Variants in CRAT observed in about 807,000 individuals in gnomAD.
CRAT encodes the protein carnitine acetylase.
Under a neutral mutation model 73.7 loss-of-function variants are expected in CRAT, and 66 were observed. That is an observed-to-expected ratio of 0.90 (90% CI 0.73 to 1.10). CRAT has a LOEUF of 1.10. Among genes scored for constraint, CRAT ranks in the 50% least tolerant of loss-of-function variants. The pLI is 0.00. For synonymous variants in CRAT, 321 were observed against 343.2 expected (o/e 0.94, Z 0.71); for missense variants, 745 against 846.9 (o/e 0.88, Z 1.49).
intron 5 of CRAT, 84 bp from the exon 6 acceptor site, chr9:129,102,141 C>T: frequency 6.8e-7 from 1 of 1,473,496 alleles, no homozygotes; most frequent in Non-Finnish European, 9.2e-7. Context: ...CCTGCCTCCT[C>T]CTGGCCTTGG....
chr9:129,104,903 C>CTTT (rs36193924), intron 2 of CRAT, among the ~76,000 whole-genome samples: 2 of 103,478 alleles, frequency 1.9e-5, no homozygotes, highest in Non-Finnish European at 3.8e-5. Flanking sequence ...TGTGCCCGGT[C>CTTT]TTTTTTTTTT....
chr9:129,105,985 C>T (rs112029662), intron 2 of CRAT, among the ~76,000 whole-genome samples: 59 of 152,290 alleles, frequency 3.9e-4, no homozygotes, highest in African/African-American at 1.4e-3. Flanking sequence ...TTCCTGCACA[C>T]AGCCAGTACA....
rs1847185738 is a variant in CRAT at position 129,094,997 on chromosome 9, A to G, written c.*400T>C. On this transcript the variant is annotated 3_prime_UTR_variant, in exon 14 of 14. Coordinates refer to ENST00000318080, the MANE Select transcript of CRAT (RefSeq NM_000755.5). ...GTCTCCAGGTCCTGGGAGTTTGGGA[A>G]GCAGGGTACAGATGGTGGCCTGGTC... 3 of 215,418 alleles carry G rather than the reference A, an allele frequency of 1.4e-5. No homozygotes were observed. The highest frequency in any genetic ancestry group is 2.8e-5 in the Non-Finnish European group (3 of 107,190). 13.3% of individuals were successfully genotyped at this position (215,418 alleles called of 1,614,324 possible).
intron 13 of CRAT, among the ~76,000 whole-genome samples, 191 bp from the exon 14 acceptor site, chr9:129,095,803 A>G: frequency 6.6e-6 from 1 of 152,248 alleles, no homozygotes; most frequent in East Asian, 1.9e-4. Flanking sequence ...CCAGTGAGTC[A>G]GCGAAGCTGA....
At chr9:129,099,037 C>T (rs556329638) in intron 8 of CRAT, among the ~76,000 whole-genome samples, 5 of 151,646 alleles carry the variant, frequency 3.3e-5, no homozygotes, top group East Asian at 2.0e-4. Flanking sequence ...AGCAATGGAA[C>T]GATCTCGGCT....
In CRAT at chr9:129,107,633, G is replaced by A. The variant is rs1422353279; in HGVS notation, c.291+181C>T. The A allele has an allele frequency of 2.5e-6, 2 of 816,156 alleles. No homozygotes were observed. Among genetic ancestry groups the A allele is most frequent in the East Asian group, 2.7e-5 (1 of 37,624 alleles). 50.6% of individuals were successfully genotyped at this position (816,156 alleles called of 1,614,324 possible). ...TTCTCTCCTCCCTACTTGAATGTTA[G>A]CTCCAAGGAGCTGGTGACTGTGTCC... is the stretch of plus-strand genomic sequence containing the variant. On this transcript the variant is annotated intron_variant, in intron 2 of 13. Coordinates refer to ENST00000318080, the MANE Select transcript of CRAT (RefSeq NM_000755.5). The surrounding 1 kb of genome is among the most constrained non-coding windows in gnomAD (Gnocchi z 5.0).
chr9:129,098,418 T>G, intron 9 of CRAT, 47 bp from the exon 10 acceptor site: 1 of 1,607,954 alleles, frequency 6.2e-7, no homozygotes, highest in Admixed American at 1.7e-5. Flanking sequence ...CGGCAGCCCC[T>G]GCCAACCCCA....
intron 7 of CRAT, 117 bp from the exon 8 acceptor site, chr9:129,100,083 G>T: frequency 1.4e-6 from 1 of 714,820 alleles, no homozygotes; most frequent in Non-Finnish European, 2.4e-6. Context: ...GGGCTATGAT[G>T]ACTTATTACT....
Position 129,100,589 on chromosome 9 carries a change from G to A in CRAT, c.906C>T (p.Ser302=). The A allele has an allele frequency of 6.2e-7, 1 of 1,614,028 alleles. No individual in the cohort carries two copies. Among genetic ancestry groups the A allele is most frequent in the Non-Finnish European group, 8.5e-7 (1 of 1,180,002 alleles). ...MPRVSEDVYR[S]HVAGQMLHGG... is the part of the protein sequence containing the mutation. The stretch of plus-strand genomic sequence containing the variant: ...CATGCAGCATCTGGCCTGCCACGTG[G>A]CTGCGGTACACGTCTTCTGAGACCC... The change falls in exon 7 of 14, where the codon AGC becomes AGT. Residue 302 remains serine, a synonymous_variant. Coordinates refer to ENST00000318080, the MANE Select transcript of CRAT (RefSeq NM_000755.5).
In CRAT at chr9:129,104,278, T is replaced by C. The variant is rs1588456212; in HGVS notation, c.320A>G (p.Tyr107Cys). 1 of 1,612,824 alleles carries C rather than the reference T, an allele frequency of 6.2e-7. No individual in the cohort carries two copies. The highest frequency in any genetic ancestry group is 8.5e-7 in the Non-Finnish European group (1 of 1,179,646). ...GACCACAGGCTGGCGGTACTGGAGG[T>C]AGGCGGTCTTGAGCCACCACTCAGA... ...WLSEWWLKTA[Y>C]LQYRQPVVIY... The change falls in exon 3 of 14, where the codon TAC becomes TGC. Residue 107 changes from tyrosine (Y) to cysteine (C), a missense_variant. Coordinates refer to ENST00000318080, the MANE Select transcript of CRAT (RefSeq NM_000755.5).
chr9:129,109,714 G>T (rs978451460), intron 1 of CRAT, among the ~76,000 whole-genome samples: 48 of 152,172 alleles, frequency 3.2e-4, no homozygotes, highest in African/African-American at 1.2e-3. Context: ...GCCTGAGCCT[G>T]GATGCACCCT....
At position 129,108,022 on chromosome 9, in the gene CRAT, A is replaced by C. The variant is rs1393087395; in HGVS notation, c.83T>G (p.Phe28Cys). The C allele has an allele frequency of 2.6e-6, 4 of 1,554,158 alleles. No individual in the cohort carries two copies. Among genetic ancestry groups the C allele is most frequent in the Non-Finnish European group, 3.5e-6 (4 of 1,153,090 alleles). The change falls in exon 2 of 14, where the codon TTC (phenylalanine) becomes TGC (cysteine). Residue 28 changes from phenylalanine (F) to cysteine (C), a missense_variant. By Grantham distance (205) the Phe-to-Cys change is radical (BLOSUM62 -2). Coordinates refer to ENST00000318080, the MANE Select transcript of CRAT (RefSeq NM_000755.5). ...TGGCAGTGCATCCTGGTGTGCCTTG[A>C]AGCGGCTGGAAGCCTTCATCAAGGA... ...PFSLMKASSR[F>C]KAHQDALPRL...
At chr9:129,104,004 G>A (rs1847842451) in intron 3 of CRAT, among the ~76,000 whole-genome samples, 184 bp downstream of exon 3, 1 of 152,126 alleles carries the variant, frequency 6.6e-6, no homozygotes, top group South Asian at 2.1e-4. Flanking sequence ...TGGGGTCTTG[G>A]GCAGCTCCCT....
rs1424667302 is a variant in CRAT at position 129,099,746 on chromosome 9, GA to G, written c.1085+119del. On this transcript the variant is annotated intron_variant, in intron 8 of 13. Transcript: ENST00000318080. Reference sequence around the variant, plus strand: ...CCACCATATCTGGCTGGCTTCCTTGGAAAAAAACAGATTCCCAGGCACAAAG... The same window carrying G: ...CCACCATATCTGGCTGGCTTCCTTGGAAAAAACAGATTCCCAGGCACAAAG... 58 of 800,286 alleles carry G rather than the reference GA, an allele frequency of 7.2e-5. 1 individual carries two copies. The East Asian group carries it at 1.3e-3, about 18-fold the overall frequency. 49.6% of individuals were successfully genotyped at this position (800,286 alleles called of 1,614,324 possible). A position where few individuals can be genotyped will look rare whatever the true frequency, so the allele number is the denominator to read the frequency against.
chr9:129,098,192 C>T, intron 10 of CRAT, 44 bp from the exon 11 acceptor site: 1 of 1,612,584 alleles, frequency 6.2e-7, no homozygotes, highest in Non-Finnish European at 8.5e-7. Flanking sequence ...AGGCGGGCAC[C>T]CCCTCCCCTG....
chr9:129,110,467 G>T lies in CRAT; in HGVS notation c.27+16C>A. 1 of 1,578,968 alleles carries T rather than the reference G, an allele frequency of 6.3e-7. No homozygotes were observed. Among genetic ancestry groups the T allele is most frequent in the East Asian group, 2.4e-5 (1 of 41,642 alleles). On this transcript the variant is annotated intron_variant, in intron 1 of 13. Coordinates refer to ENST00000318080, the MANE Select transcript of CRAT (RefSeq NM_000755.5). This position sits in a 1 kb window ranked among gnomAD's most constrained non-coding sequence, Gnocchi z 5.3. ...GGCCGTCCAGGGCCCTCAGGCCCGG[G>T]ATCCGCCGCACTCACCACGGTCCTG... is the stretch of plus-strand genomic sequence containing the variant.
In CRAT at chr9:129,098,545, C is replaced by T. The variant is rs1249322242; in HGVS notation, c.1191G>A (p.Lys397=). Residue 397 remains lysine (K), a synonymous_variant, in exon 9 of 14, where the codon AAG becomes AAA. Coordinates refer to ENST00000318080, the MANE Select transcript of CRAT (RefSeq NM_000755.5). Reference sequence around the variant, plus strand: ...CAGGCACTTACATGCTGAGGTTCTGCTTGGCCTTCTCGATGTCGCTCTTGA... The same window carrying T: ...CAGGCACTTACATGCTGAGGTTCTGTTTGGCCTTCTCGATGTCGCTCTTGA... ...PEIKSDIEKA[K]QNLSIMIQDL... is the part of the protein sequence containing the mutation. 1 of 1,608,386 alleles carries T rather than the reference C, an allele frequency of 6.2e-7. No homozygotes were observed. Among genetic ancestry groups the T allele is most frequent in the African/African-American group, 1.3e-5 (1 of 74,538 alleles).
Position 129,107,741 on chromosome 9 carries a change from C to T in CRAT, c.291+73G>A. On this transcript the variant is annotated intron_variant, in intron 2 of 13. Coordinates refer to ENST00000318080, the MANE Select transcript of CRAT (RefSeq NM_000755.5). The surrounding 1 kb of genome is among the most constrained non-coding windows in gnomAD (Gnocchi z 5.0). ...TCTGGGCAGCAAACGAACGGCCGTG[C>T]CAGAGCAGTGGGCACTGGAGAACTG... is the stretch of plus-strand genomic sequence containing the variant. The T allele has an allele frequency of 6.2e-7, 1 of 1,608,626 alleles. No homozygotes were observed. Among genetic ancestry groups the T allele is most frequent in the Non-Finnish European group, 8.5e-7 (1 of 1,176,676 alleles).
Position 129,110,357 on chromosome 9 carries a change from C to T in CRAT, c.27+126G>A. The T allele has an allele frequency of 9.8e-7, 1 of 1,017,134 alleles. No homozygotes were observed. The highest frequency in any genetic ancestry group is 1.8e-5 in the South Asian group (1 of 56,416). 63.0% of individuals were successfully genotyped at this position (1,017,134 alleles called of 1,614,324 possible). ...TGCCAAACCTGGGACGCCCGCCTGA[C>T]CCCACCCCATCAGCTGGAGGCCGGG... On this transcript the variant is annotated intron_variant, in intron 1 of 13. Transcript: ENST00000318080. The surrounding 1 kb of genome is among the most constrained non-coding windows in gnomAD (Gnocchi z 5.3).
Sources: allele counts gnomAD v4.1 joint callset (sites outside exome capture counted in the v4.1 genomes callset), GRCh38; gene constraint gnomAD v4.1.1; non-coding constraint Gnocchi (gnomAD v3.1); transcripts MANE v1.5; gene names NCBI Gene and HGNC (gene_info 2026-07-23, HGNC 2026-07-21).